XPO7: variants seen among roughly 807,000 people sequenced by gnomAD.
The protein encoded by XPO7 is exportin 7.
Under a neutral mutation model 144.3 loss-of-function variants are expected in XPO7, and 21 were observed. The ratio of observed to expected loss-of-function variants is 0.15; its 90% CI spans 0.10 to 0.21. The LOEUF (loss-of-function observed/expected upper bound fraction) is 0.21. XPO7 is among the 10% of genes least tolerant of loss of function. XPO7 has a pLI of 1.00. For missense variants in XPO7, 808 were observed against 1,325.8 expected, an observed-to-expected ratio of 0.61 and a Z score of 6.06; for synonymous variants, 580 against 499.6, an observed-to-expected ratio of 1.16 and a Z score of -2.15.
chr8:21,987,944 C>T, intron 15 of XPO7, 87 bp downstream of exon 15: 2 of 1,359,536 alleles, frequency 1.5e-6, no homozygotes, highest in East Asian at 2.4e-5. Flanking sequence ...GCTGCCAGTG[C>T]CTGGTATTCC....
chr8:21,993,254 C>A (rs978142896), intron 19 of XPO7, among the ~76,000 whole-genome samples: 16 of 152,152 alleles, frequency 1.1e-4, no homozygotes, highest in Admixed American at 1.0e-3. Context: ...GTAAAATTAA[C>A]CAAAAGAACA....
chr8:22,004,096 C>CA (rs1813244860), intron 27 of XPO7, 66 bp downstream of exon 27: 1 of 1,595,460 alleles, frequency 6.3e-7, no homozygotes, highest in Middle Eastern at 1.7e-4. Context: ...ACGAAACAGG[C>CA]AGTTGCTTTA....
intron 1 of XPO7, among the ~76,000 whole-genome samples, chr8:21,957,670 C>T (rs1811581609): frequency 6.6e-6 from 1 of 152,128 alleles, no homozygotes; most frequent in Non-Finnish European, 1.5e-5. Flanking sequence ...TATGAATTTC[C>T]TTTGGAAGCT....
chr8:21,966,637 GT>G (rs3830279), intron 1 of XPO7, among the ~76,000 whole-genome samples: 83,135 of 148,982 alleles, frequency 0.56, 23,089 homozygotes, highest in African/African-American at 0.67. Flanking sequence ...TGATGAAAAA[GT>G]TATATAGGTA....
intron 1 of XPO7, among the ~76,000 whole-genome samples, chr8:21,928,317 T>C (rs778093647): frequency 6.6e-6 from 1 of 152,268 alleles, no homozygotes; most frequent in East Asian, 1.9e-4. Flanking sequence ...TATATCACAT[T>C]GGATGTATCC....
At chr8:21,961,987 T>G (rs1489592091) in intron 1 of XPO7, among the ~76,000 whole-genome samples, 2 of 152,234 alleles carry the variant, frequency 1.3e-5, no homozygotes, top group Non-Finnish European at 2.9e-5. Context: ...CTAATGGCTA[T>G]CTCATCGTGA....
intron 1 of XPO7, among the ~76,000 whole-genome samples, chr8:21,949,485 A>G (rs1411401025): frequency 3.3e-5 from 5 of 152,228 alleles, no homozygotes; most frequent in East Asian, 1.9e-4. Context: ...CTTTTTATGC[A>G]TTAATTGTGT....
chr8:21,999,496 T>G, intron 23 of XPO7, 40 bp from the exon 24 acceptor site: 1 of 1,612,512 alleles, frequency 6.2e-7, no homozygotes, highest in African/African-American at 1.3e-5. Flanking sequence ...CTGGAGTGCA[T>G]AGTGCCTAAG....
At chr8:21,995,960 C>T (rs1812934148) in intron 21 of XPO7, among the ~76,000 whole-genome samples, 1 of 152,126 alleles carries the variant, frequency 6.6e-6, no homozygotes, top group Admixed American at 6.5e-5. Context: ...GGACTACAGG[C>T]ACCCGCCACC....
rs1170364778 is a variant in XPO7 at position 21,989,821 on chromosome 8, C to CTTTTTTTTTTTTTTTTTTTTTT, written c.1869-498_1869-477dup. Among the ~76,000 whole-genome samples the CTTTTTTTTTTTTTTTTTTTTTT allele has an allele frequency of 1.9e-3, 115 of 59,712 alleles. 36 individuals are homozygous for CTTTTTTTTTTTTTTTTTTTTTT. Among genetic ancestry groups the CTTTTTTTTTTTTTTTTTTTTTT allele is most frequent in the Middle Eastern group, 0.011 (1 of 90 alleles). The allele number at this position is 59,712 out of a possible 152,430, so 39.2% of individuals were successfully genotyped here. On this transcript the variant is annotated intron_variant, in intron 16 of 27. Coordinates refer to ENST00000252512, the MANE Select transcript of XPO7 (RefSeq NM_015024.5). ...AATAGGAGTTTGGTATAGGTGTTTC[C>CTTTTTTTTTTTTTTTTTTTTTT]TTTTTTTTTTTTTTTTTTTTTTTTT... is the stretch of plus-strand genomic sequence containing the variant.
At chr8:21,993,789 T>A (rs929502288) in intron 19 of XPO7, among the ~76,000 whole-genome samples, 9 of 151,874 alleles carry the variant, frequency 5.9e-5, no homozygotes, top group Non-Finnish European at 1.3e-4. Flanking sequence ...CCCTTTGTCT[T>A]CCTCCTGGCA....
rs145443807 is a variant in XPO7, at chr8:21,985,277, T to C, written c.1472-309T>C. ...AGGGAGATAAGTACAGATAGTAACC[T>C]GGGCTTCCTCTTTTTACCGGGCCTG... On this transcript the variant is annotated intron_variant, in intron 12 of 27. Coordinates refer to ENST00000252512, the MANE Select transcript of XPO7 (RefSeq NM_015024.5). Among the ~76,000 whole-genome samples the C allele has an allele frequency of 1.5e-4, 23 of 152,342 alleles. No individual in the cohort carries two copies. The East Asian group carries it at 3.7e-3, about 24-fold the overall frequency.
chr8:21,956,727 T>G (rs1439036021), intron 1 of XPO7, among the ~76,000 whole-genome samples: 1 of 152,130 alleles, frequency 6.6e-6, no homozygotes, highest in Non-Finnish European at 1.5e-5. Context: ...TTATGTTCTT[T>G]GAATGTCTTT....
intron 8 of XPO7, among the ~76,000 whole-genome samples, chr8:21,979,874 G>T (rs1812347022): frequency 6.6e-6 from 1 of 152,022 alleles, no homozygotes; most frequent in South Asian, 2.1e-4. Context: ...CATTGGAGTG[G>T]TCAAAGGAAT....
intron 19 of XPO7, 51 bp downstream of exon 19, chr8:21,992,025 C>T (rs1212397092): frequency 6.8e-7 from 1 of 1,466,064 alleles, no homozygotes; most frequent in Non-Finnish European, 9.4e-7. Context: ...TTAGGGCAGT[C>T]TCTGATTGAA....
intron 1 of XPO7, among the ~76,000 whole-genome samples, chr8:21,935,145 GT>G (rs1215521381): frequency 1.3e-5 from 2 of 152,152 alleles, no homozygotes; most frequent in East Asian, 3.8e-4. Flanking sequence ...ACTGCTCTGG[GT>G]TTTAGTTCTA....
intron 16 of XPO7, among the ~76,000 whole-genome samples, chr8:21,989,887 T>C (rs142358468): frequency 0.016 from 2,111 of 128,756 alleles, 91 homozygotes; most frequent in South Asian, 0.14. Context: ...TCTTGCTCTG[T>C]TGCCCAGGCT....
intron 1 of XPO7, chr8:21,966,244 AAAGT>A: frequency 1.3e-6 from 1 of 775,154 alleles, no homozygotes; most frequent in Middle Eastern, 2.3e-4. Context: ...ATTTGGAACC[AAAGT>A]AAGAGTTTAA....
rs190121331 is a variant in XPO7, at chr8:21,972,244, G to A, written c.492+303G>A. The stretch of plus-strand genomic sequence containing the variant: ...AGCGATCGCAGCACTTTGGGAGGCC[G>A]AGGCAGGCGGATCACCTGAGGTCAG... On this transcript the variant is annotated intron_variant, in intron 5 of 27. Transcript: ENST00000252512. Among the ~76,000 whole-genome samples, 311 of 151,824 alleles carry A rather than the reference G, an allele frequency of 2.0e-3. 1 individual carries two copies. Among genetic ancestry groups the A allele is most frequent in the African/African-American group, 7.0e-3 (288 of 41,366 alleles).
Sources: gnomAD v4.1 joint callset for allele counts (sites outside exome capture counted in the v4.1 genomes callset) on GRCh38, gnomAD v4.1.1 for gene constraint, MANE v1.5 for transcripts, NCBI Gene and HGNC (gene_info 2026-07-23, HGNC 2026-07-21) for gene names.